CSF3R: variants seen among roughly 807,000 people sequenced by gnomAD.
CSF3R encodes granulocyte colony-stimulating factor receptor.
In CSF3R, 52 loss-of-function variants were observed where a neutral mutation model predicts 84.4. The observed-to-expected ratio is 0.62, with a 90% confidence interval of 0.49 to 0.78. CSF3R has a LOEUF of 0.78. Ranked by LOEUF, CSF3R falls within the 30% of genes least tolerant of loss-of-function variation. The probability of loss-of-function intolerance (pLI) is 0.00; values close to 1 mark genes in which losing one functional copy is unlikely to be tolerated. For synonymous variants in CSF3R, 384 were observed against 429.1 expected, an observed-to-expected ratio of 0.89 and a Z score of 1.30; for missense variants, 890 against 1,055.7, an observed-to-expected ratio of 0.84 and a Z score of 2.17.
chr1:36,467,533 T>C lies in CSF3R; in HGVS notation c.1958+25A>G. On this transcript the variant is annotated intron_variant, in intron 15 of 16. Transcript: ENST00000373106. The surrounding 1 kb of genome is among the most constrained non-coding windows in gnomAD (Gnocchi z 4.1). ...TTCCCTGTGGGTGGGGGAAGCAGGATCTCAGGTCTCTCAAAGGGACTCACT... is the reference window on the plus strand; with the variant it reads ...TTCCCTGTGGGTGGGGGAAGCAGGACCTCAGGTCTCTCAAAGGGACTCACT... 1 of 1,605,998 alleles carries C rather than the reference T, an allele frequency of 6.2e-7. No individual in the cohort carries two copies. Among genetic ancestry groups the C allele is most frequent in the Non-Finnish European group, 8.5e-7 (1 of 1,173,102 alleles).
intron 3 of CSF3R, among the ~76,000 whole-genome samples, chr1:36,478,046 C>G (rs920292132): frequency 2.6e-5 from 4 of 152,020 alleles, no homozygotes; most frequent in African/African-American, 9.7e-5. Context: ...GCGTGAGCCA[C>G]CGCGCCCGGC....
rs146435131 is a variant in CSF3R at position 36,471,476 on chromosome 1, G to A, written c.1242C>T (p.Ala414=). 62 of 1,614,208 alleles carry A rather than the reference G, an allele frequency of 3.8e-5. No homozygotes were observed. The highest frequency in any genetic ancestry group is 3.2e-4 in the South Asian group (29 of 91,082). The change falls in exon 10 of 17, where the codon GCC becomes GCT. Residue 414 remains alanine (A), a synonymous_variant. Transcript: ENST00000373106. The part of the protein sequence containing the change: ...QEVALVAYNS[A]GTSRPTPVVF... The stretch of plus-strand genomic sequence containing the variant: ...CCACCGGAGTGGGACGAGAGGTCCC[G>A]GCTGAGTTATAGGCCACAAGGGCCA...
chr1:36,474,356 G>T (rs543960185), intron 4 of CSF3R, among the ~76,000 whole-genome samples: 1 of 147,790 alleles, frequency 6.8e-6, no homozygotes, highest in Admixed American at 6.7e-5. Flanking sequence ...TACAGGAAAT[G>T]CTATGTAAGT....
intron 3 of CSF3R, chr1:36,478,947 A>G (rs888422546): frequency 4.5e-5 from 11 of 243,710 alleles, no homozygotes; most frequent in Non-Finnish European, 2.5e-5. Flanking sequence ...AAGTTTGCCA[A>G]CCCCTGCTGC....
chr1:36,470,642 A>T (rs1291059967), intron 10 of CSF3R, among the ~76,000 whole-genome samples: 1 of 152,222 alleles, frequency 6.6e-6, no homozygotes, highest in Admixed American at 6.5e-5. Flanking sequence ...AGCTATGATT[A>T]TTGTTATTGT....
chr1:36,475,830 G>A (rs553967859), intron 3 of CSF3R, 157 bp from the exon 4 acceptor site: 19 of 703,100 alleles, frequency 2.7e-5, no homozygotes, highest in East Asian at 5.5e-5. Flanking sequence ...CGGAGACTTC[G>A]AGAGGCTACG....
rs1234089852 is a variant in CSF3R, at chr1:36,466,569, A to G, written c.2299T>C (p.Tyr767His). 1.2e-6 allele frequency: 2 copies of G among 1,610,708 alleles called. No homozygotes were observed. The highest frequency in any genetic ancestry group is 4.5e-5 in the East Asian group (2 of 44,808). Residue 767 changes from tyrosine to histidine, a missense_variant, in exon 17 of 17, where the codon TAT (tyrosine) becomes CAT (histidine). Tyr to His is a moderately conservative substitution (Grantham distance 83, BLOSUM62 2). Transcript: ENST00000373106. This position sits in a 1 kb window ranked among gnomAD's most constrained non-coding sequence, Gnocchi z 4.6. Reference protein sequence around the residue: ...GSPTSPGPGHYLRCDSTQPLL... With the variant: ...GSPTSPGPGHHLRCDSTQPLL... ...GGCTGAGTGGAGTCACAGCGGAGAT[A>G]GTGCCCTGGCCCTGGGCTTGTGGGG... is the stretch of plus-strand genomic sequence containing the variant.
rs2124095014 is a variant in CSF3R, at chr1:36,466,347, C to T, written c.*10G>A. On this transcript the variant is annotated 3_prime_UTR_variant, in exon 17 of 17. Transcript: ENST00000373106. The surrounding 1 kb of genome is among the most constrained non-coding windows in gnomAD (Gnocchi z 4.6). Reference sequence around the variant, plus strand: ...AAGAGGCAGGCCCAAGAAGGGAACCCCAGGAAGCCCTAGAAGCTCCCCAGC... The same window carrying T: ...AAGAGGCAGGCCCAAGAAGGGAACCTCAGGAAGCCCTAGAAGCTCCCCAGC... The T allele has an allele frequency of 1.2e-6, 2 of 1,612,376 alleles. No homozygotes were observed. The highest frequency in any genetic ancestry group is 8.5e-7 in the Non-Finnish European group (1 of 1,179,874).
rs1194416907 is a variant in CSF3R, at chr1:36,469,741, T to C, written c.1385A>G (p.Glu462Gly). ...PNPWPQGYVI[E>G]WGLGPPSASN... ...CGCGCTGGGGGGGCCCAGGCCCCAC[T>C]CAATCACATAGCCCTGAGGCCATGG... is the stretch of plus-strand genomic sequence containing the variant. Residue 462 changes from glutamate to glycine, a missense_variant, in exon 11 of 17, where the codon GAG becomes GGG. Coordinates refer to ENST00000373106, the MANE Select transcript of CSF3R (RefSeq NM_000760.4). 1.2e-6 allele frequency: 2 copies of C among 1,614,168 alleles called. No homozygotes were observed. The highest frequency in any genetic ancestry group is 1.7e-6 in the Non-Finnish European group (2 of 1,180,030).
rs1557585485 is a variant in CSF3R, at chr1:36,466,513, C to T, written c.2355G>A (p.Lys785=). 3 of 1,610,490 alleles carry T rather than the reference C, an allele frequency of 1.9e-6. No individual in the cohort carries two copies. The highest frequency in any genetic ancestry group is 2.5e-6 in the Non-Finnish European group (3 of 1,177,936). Residue 785 remains lysine (K), a synonymous_variant, in exon 17 of 17, where the codon AAG becomes AAA. Transcript: ENST00000373106. This position sits in a 1 kb window ranked among gnomAD's most constrained non-coding sequence, Gnocchi z 4.6. The stretch of plus-strand genomic sequence containing the variant: ...CCTGGAACCAGAGGTTCTCATAGGA[C>T]TTGGGGCTGGGGGTGAGGCCCGCCA... The part of the protein sequence containing the change: ...PLLAGLTPSP[K]SYENLWFQAS...
Position 36,473,983 on chromosome 1 carries a change from G to T in CSF3R, c.362-96C>A, listed in dbSNP as rs950915063. 3.2e-6 allele frequency: 5 copies of T among 1,574,956 alleles called. No homozygotes were observed. The African/African-American group carries it at 6.7e-5, about 21-fold the overall frequency. ...GGCCCTGTTGCCTTGCCCTGGCTTG[G>T]TTCCTCTGTTGTCACCTTGTCTGTC... is the stretch of plus-strand genomic sequence containing the variant. On this transcript the variant is annotated intron_variant, in intron 4 of 16. Transcript: ENST00000373106.
In CSF3R at chr1:36,466,433, A is replaced by G; in HGVS notation, c.2435T>C (p.Val812Ala). The G allele has an allele frequency of 1.9e-6, 3 of 1,613,542 alleles. No homozygotes were observed. Among genetic ancestry groups the G allele is most frequent in the Non-Finnish European group, 2.5e-6 (3 of 1,179,886 alleles). ...GGGGAAGTTGAGCAGTGGCCCAAAG[A>G]CACAGTCGTCCTCCTGGCTTGGGGC... The part of the protein sequence containing the change: ...TPAPSQEDDC[V>A]FGPLLNFPLL... The change falls in exon 17 of 17, where the codon GTC becomes GCC. Residue 812 changes from valine (V) to alanine (A), a missense_variant. Val to Ala is a moderately conservative substitution (Grantham distance 64). Coordinates refer to ENST00000373106, the MANE Select transcript of CSF3R (RefSeq NM_000760.4). This position sits in a 1 kb window ranked among gnomAD's most constrained non-coding sequence, Gnocchi z 4.6.
At chr1:36,479,660 A>C (rs1202702739) in intron 2 of CSF3R, 144 bp from the exon 3 acceptor site, 5 of 710,060 alleles carry the variant, frequency 7.0e-6, no homozygotes, top group Admixed American at 6.1e-5. Context: ...ACAGCAGCCT[A>C]TACTGCATGG....
At position 36,469,843 on chromosome 1, in the gene CSF3R, G is replaced by A. The variant is rs778391319; in HGVS notation, c.1286-3C>T. The A allele has an allele frequency of 1.1e-5, 17 of 1,613,892 alleles. No homozygotes were observed. The Middle Eastern group carries it at 9.9e-4, about 94-fold the overall frequency. ...ATGGAGTCTGGTCAGAGCTGGGCCT[G>A]GAGACAGGGTGGGAAATGGTGGAAT... On this transcript the variant is annotated splice_polypyrimidine_tract_variant and splice_region_variant and intron_variant, in intron 10 of 16. Coordinates refer to ENST00000373106, the MANE Select transcript of CSF3R (RefSeq NM_000760.4).
rs1650548360 is a variant in CSF3R, at chr1:36,469,260, G to A, written c.1475-3C>T. On this transcript the variant is annotated splice_polypyrimidine_tract_variant and splice_region_variant and intron_variant, in intron 11 of 16. Transcript: ENST00000373106. Reference sequence around the variant, plus strand: ...GAGCTGAAAGGGCCTGATGTTCTCTGTAGAGAGAAAATGGGGTAGGCACTT... The same window carrying A: ...GAGCTGAAAGGGCCTGATGTTCTCTATAGAGAGAAAATGGGGTAGGCACTT... 6.2e-7 allele frequency: 1 copy of A among 1,610,050 alleles called. No homozygotes were observed. The highest frequency in any genetic ancestry group is 1.1e-5 in the South Asian group (1 of 91,022).
chr1:36,466,846 G>C lies in CSF3R; in HGVS notation c.2041-19C>G. 6.2e-7 allele frequency: 1 copy of C among 1,614,168 alleles called. No individual in the cohort carries two copies. The highest frequency in any genetic ancestry group is 8.5e-7 in the Non-Finnish European group (1 of 1,180,010). On this transcript the variant is annotated intron_variant, in intron 16 of 16. Coordinates refer to ENST00000373106, the MANE Select transcript of CSF3R (RefSeq NM_000760.4). The surrounding 1 kb of genome is among the most constrained non-coding windows in gnomAD (Gnocchi z 4.6). Reference sequence around the variant, plus strand: ...AGGCATCCTGCACACAAGGATGTGGGGTGAGAGCACGGCTCATTTCAGATG... The same window carrying C: ...AGGCATCCTGCACACAAGGATGTGGCGTGAGAGCACGGCTCATTTCAGATG...
chr1:36,477,983 C>T (rs773938141), intron 3 of CSF3R, among the ~76,000 whole-genome samples: 5 of 151,792 alleles, frequency 3.3e-5, no homozygotes, highest in Non-Finnish European at 7.4e-5. Flanking sequence ...TGGTCTCGAT[C>T]TCCTGACCTT....
Position 36,467,842 on chromosome 1 carries a change from G to T in CSF3R, c.1844C>A (p.Thr615Asn). The change falls in exon 14 of 17, where the codon ACC becomes AAC. Residue 615 changes from threonine (T) to asparagine (N), a missense_variant. Thr to Asn is a moderately conservative substitution (Grantham distance 65, BLOSUM62 0). Transcript: ENST00000373106. The surrounding 1 kb of genome is among the most constrained non-coding windows in gnomAD (Gnocchi z 4.1). ...CTTACCTGGGGTCAAGGTCATCAGG[G>T]TGAGGACTGTACTGTTGGTGGCCCC... is the stretch of plus-strand genomic sequence containing the variant. ...QAGATNSTVL[T>N]LMTLTPEGSE... 1 of 1,614,262 alleles carries T rather than the reference G, an allele frequency of 6.2e-7. No individual in the cohort carries two copies.
rs972456179 is a variant in CSF3R, at chr1:36,467,396, T to C, written c.1959-85A>G. 8 of 1,467,994 alleles carry C rather than the reference T, an allele frequency of 5.4e-6. No homozygotes were observed. The highest frequency in any genetic ancestry group is 1.4e-5 in the African/African-American group (1 of 71,788). The allele number at this position is 1,467,994 out of a possible 1,614,324, so 90.9% of individuals were successfully genotyped here. ...GTCCCACCCACCCCACCTGAAGAGG[T>C]GCAGCTGCCCTTAGTGCAGAGAGAA... is the stretch of plus-strand genomic sequence containing the variant. On this transcript the variant is annotated intron_variant, in intron 15 of 16. Transcript: ENST00000373106. The surrounding 1 kb of genome is among the most constrained non-coding windows in gnomAD (Gnocchi z 4.1).
Sources: allele counts gnomAD v4.1 joint callset (sites outside exome capture counted in the v4.1 genomes callset), GRCh38; gene constraint gnomAD v4.1.1; non-coding constraint Gnocchi (gnomAD v3.1); transcripts MANE v1.5; gene names NCBI Gene and HGNC (gene_info 2026-07-23, HGNC 2026-07-21).